The following STRAP variants were observed in gnomAD, a reference collection of about 807,000 sequenced individuals.
STRAP encodes serine/threonine kinase receptor associated protein, also known as serine-threonine kinase receptor-associated protein.
In STRAP, 16 loss-of-function variants were observed where a neutral mutation model predicts 47.0. That is an observed-to-expected ratio of 0.34 (90% CI 0.23 to 0.52). STRAP has a LOEUF of 0.52. Ranked by LOEUF, STRAP falls within the 20% of genes least tolerant of loss-of-function variation. The pLI is 0.96. For missense variants in STRAP, 293 were observed against 420.0 expected (o/e 0.70, Z 2.64); for synonymous variants, 130 against 142.7 (o/e 0.91, Z 0.63).
intron 7 of STRAP, among the ~76,000 whole-genome samples, chr12:15,899,026 CTTTTA>C (rs1948082748): frequency 6.6e-6 from 1 of 152,156 alleles, no homozygotes; most frequent in Non-Finnish European, 1.5e-5. Context: ...TTTTCTGTTA[CTTTTA>C]TTTAATGCTA....
At chr12:15,897,326 A>G (rs918662940) in intron 6 of STRAP, among the ~76,000 whole-genome samples, 5 of 152,172 alleles carry the variant, frequency 3.3e-5, no homozygotes, top group Admixed American at 1.3e-4. Context: ...TTTTTATTAT[A>G]TAACTATAGC....
At position 15,887,800 on chromosome 12, in the gene STRAP, T is replaced by C. The variant is rs1428582755; in HGVS notation, c.249-2128T>C. 4.0e-5 allele frequency among the ~76,000 whole-genome samples: 6 copies of C among 151,772 alleles called. No individual in the cohort carries two copies. The highest frequency in any genetic ancestry group is 3.9e-4 in the Admixed American group (6 of 15,238). On this transcript the variant is annotated intron_variant, in intron 2 of 9. Transcript: ENST00000419869. This position sits in a 1 kb window ranked among gnomAD's most constrained non-coding sequence, Gnocchi z 5.5. ...GATCTTGAGGCCAGGAGTTCAAGTATAGCTTGGGCAATATACCAAGATCCT... is the reference window on the plus strand; with the variant it reads ...GATCTTGAGGCCAGGAGTTCAAGTACAGCTTGGGCAATATACCAAGATCCT...
chr12:15,890,633 C>T lies in STRAP; in HGVS notation c.367C>T (p.Leu123=). ...TTTGTTAACCGGGGGACAGGATAAACTGTTACGCATATATGACTTGAACAA... is the reference window on the plus strand; with the variant it reads ...TTTGTTAACCGGGGGACAGGATAAATTGTTACGCATATATGACTTGAACAA... ...NYLLTGGQDK[L]LRIYDLNKPE... is the part of the protein sequence containing the mutation. The change falls in exon 4 of 10, where the codon CTG becomes TTG. Residue 123 remains leucine, a synonymous_variant. Coordinates refer to ENST00000419869, the MANE Select transcript of STRAP (RefSeq NM_007178.4). This position sits in a 1 kb window ranked among gnomAD's most constrained non-coding sequence, Gnocchi z 4.5. The T allele has an allele frequency of 1.2e-6, 2 of 1,611,818 alleles. No homozygotes were observed. The highest frequency in any genetic ancestry group is 1.1e-5 in the South Asian group (1 of 90,560).
Position 15,900,948 on chromosome 12 carries a change from A to G in STRAP, c.927A>G (p.Glu309=). Residue 309 remains glutamate (E), a splice_region_variant and synonymous_variant, in exon 9 of 10, where the codon GAA becomes GAG. Coordinates refer to ENST00000419869, the MANE Select transcript of STRAP (RefSeq NM_007178.4). ...TYGLWKCVLP[E]EDSGELAKPK... ...TCGTCATTGCTTTTCTTTTTACAGA[A>G]GAAGATAGTGGTGAGCTGGCAAAGC... The G allele has an allele frequency of 6.3e-7, 1 of 1,587,104 alleles. No homozygotes were observed. The highest frequency in any genetic ancestry group is 8.6e-7 in the Non-Finnish European group (1 of 1,168,012).
Position 15,894,269 on chromosome 12 carries a change from G to T in STRAP, c.500+126G>T. 1 of 647,682 alleles carries T rather than the reference G, an allele frequency of 1.5e-6. No individual in the cohort carries two copies. The allele number at this position is 647,682 out of a possible 1,614,324, so 40.1% of individuals were successfully genotyped here. ...AGGTCAGGAGTACTAGACCAGCCTGGCCGACATGGCGAAATACTGTCTCTA... is the reference window on the plus strand; with the variant it reads ...AGGTCAGGAGTACTAGACCAGCCTGTCCGACATGGCGAAATACTGTCTCTA... On this transcript the variant is annotated intron_variant, in intron 5 of 9. Transcript: ENST00000419869. The surrounding 1 kb of genome is among the most constrained non-coding windows in gnomAD (Gnocchi z 4.9).
Position 15,894,214 on chromosome 12 carries a change from C to A in STRAP, c.500+71C>A. 1 of 1,253,382 alleles carries A rather than the reference C, an allele frequency of 8.0e-7. No individual in the cohort carries two copies. Among genetic ancestry groups the A allele is most frequent in the Non-Finnish European group, 1.2e-6 (1 of 865,152 alleles). The allele number at this position is 1,253,382 out of a possible 1,614,324, so 77.6% of individuals were successfully genotyped here. A position where few individuals can be genotyped will look rare whatever the true frequency, so the allele number is the denominator to read the frequency against. ...GTGGCTCACGCCTATAATCTCAGCA[C>A]TTTGGGAGGCGAGCCGGGTGGATCA... On this transcript the variant is annotated intron_variant, in intron 5 of 9. Coordinates refer to ENST00000419869, the MANE Select transcript of STRAP (RefSeq NM_007178.4). This position sits in a 1 kb window ranked among gnomAD's most constrained non-coding sequence, Gnocchi z 4.9.
chr12:15,883,112 G>A (rs1350321276), intron 1 of STRAP: 2 of 1,535,608 alleles, frequency 1.3e-6, no homozygotes, highest in Middle Eastern at 1.7e-4. Flanking sequence ...TAGACTCTCG[G>A]GACAACACGG....
chr12:15,899,777 T>C, intron 7 of STRAP, 127 bp from the exon 8 acceptor site: 1 of 834,586 alleles, frequency 1.2e-6, no homozygotes, highest in Non-Finnish European at 1.9e-6. Flanking sequence ...ATTAATTAAG[T>C]ACAGGTTTTA....
intron 2 of STRAP, among the ~76,000 whole-genome samples, chr12:15,885,488 C>CTTTTGT (rs1947963066): frequency 7.5e-6 from 1 of 132,478 alleles, no homozygotes; most frequent in African/African-American, 2.9e-5. Flanking sequence ...CGTGCCTGGC[C>CTTTTGT]TTTTTTTTTT....
At chr12:15,901,860 C>CAAAA (rs71042273) in intron 9 of STRAP, among the ~76,000 whole-genome samples, 1 of 87,772 alleles carries the variant, frequency 1.1e-5, no homozygotes, top group African/African-American at 4.3e-5. Context: ...GACTCTGTCT[C>CAAAA]AAAAAAAAAA....
rs749702060 is a variant in STRAP at position 15,885,180 on chromosome 12, G to GTTTTTTT, written c.248+1523_248+1529dup. ...TAAGAGGCTAGAGAGTACAAGTGGT[G>GTTTTTTT]TTTTTTTTTTTTTTTTTTTTTTTTT... On this transcript the variant is annotated intron_variant, in intron 2 of 9. Coordinates refer to ENST00000419869, the MANE Select transcript of STRAP (RefSeq NM_007178.4). Among the ~76,000 whole-genome samples the GTTTTTTT allele has an allele frequency of 4.2e-4, 42 of 99,570 alleles. 2 individuals are homozygous for GTTTTTTT. Among genetic ancestry groups the GTTTTTTT allele is most frequent in the African/African-American group, 1.8e-3 (41 of 23,352 alleles). The allele number at this position is 99,570 out of a possible 152,430, so 65.3% of individuals were successfully genotyped here.
intron 2 of STRAP, among the ~76,000 whole-genome samples, chr12:15,888,341 A>G (rs576105474): frequency 6.6e-6 from 1 of 152,214 alleles, no homozygotes; most frequent in Non-Finnish European, 1.5e-5. Flanking sequence ...AAACAATACA[A>G]AATGAGGTTG....
chr12:15,902,627 TATA>T (rs1432136042), intron 9 of STRAP, among the ~76,000 whole-genome samples: 1 of 152,194 alleles, frequency 6.6e-6, no homozygotes, highest in Non-Finnish European at 1.5e-5. Flanking sequence ...CCGGGTTTGT[TATA>T]TAGCTGGAGT....
rs552576031 is a variant in STRAP at position 15,896,412 on chromosome 12, T to A, written c.638+916T>A. The stretch of plus-strand genomic sequence containing the variant: ...GTAGTAAATACTCTTGGAGAAAGAC[T>A]GGAATATATAACATAATTGAAAAAA... On this transcript the variant is annotated intron_variant, in intron 6 of 9. Coordinates refer to ENST00000419869, the MANE Select transcript of STRAP (RefSeq NM_007178.4). This position sits in a 1 kb window ranked among gnomAD's most constrained non-coding sequence, Gnocchi z 4.1. Among the ~76,000 whole-genome samples, 48 of 152,288 alleles carry A rather than the reference T, an allele frequency of 3.2e-4. No individual in the cohort carries two copies. The South Asian group carries it at 9.5e-3, about 30-fold the overall frequency.
In STRAP at chr12:15,882,512, T is replaced by C. The variant is rs1457488735; in HGVS notation, c.-196T>C. Reference sequence around the variant, plus strand: ...CCCTCCCTCGTCGACTGTTGCTTGCTGGTCGCAGACTCCCTGACCCCTCCC... The same window carrying C: ...CCCTCCCTCGTCGACTGTTGCTTGCCGGTCGCAGACTCCCTGACCCCTCCC... On this transcript the variant is annotated 5_prime_UTR_variant, in exon 1 of 10. Transcript: ENST00000419869. The C allele has an allele frequency of 3.7e-6, 2 of 540,418 alleles. No homozygotes were observed. Among genetic ancestry groups the C allele is most frequent in the Non-Finnish European group, 6.7e-6 (2 of 298,782 alleles). The allele number at this position is 540,418 out of a possible 1,614,324, so 33.5% of individuals were successfully genotyped here. A position where few individuals can be genotyped will look rare whatever the true frequency, so the allele number is the denominator to read the frequency against.
In STRAP at chr12:15,894,531, T is replaced by C. The variant is rs1229573052; in HGVS notation, c.500+388T>C. Among the ~76,000 whole-genome samples, 6 of 152,216 alleles carry C rather than the reference T, an allele frequency of 3.9e-5. No individual in the cohort carries two copies. Among genetic ancestry groups the C allele is most frequent in the Non-Finnish European group, 7.3e-5 (5 of 68,028 alleles). ...TATTTTAAATACATTTAATATTATG[T>C]GTGAAAAATGTTCTGAACATTAAAA... On this transcript the variant is annotated intron_variant, in intron 5 of 9. Transcript: ENST00000419869. The surrounding 1 kb of genome is among the most constrained non-coding windows in gnomAD (Gnocchi z 4.9).
intron 2 of STRAP, among the ~76,000 whole-genome samples, chr12:15,889,260 G>A (rs572329852): frequency 1.3e-5 from 2 of 152,072 alleles, no homozygotes; most frequent in African/African-American, 4.8e-5. Flanking sequence ...ATTTTGGGGT[G>A]GGGTGGGACA....
chr12:15,882,964 G>T, intron 1 of STRAP, 145 bp downstream of exon 1: 2 of 1,353,930 alleles, frequency 1.5e-6, no homozygotes, highest in Non-Finnish European at 2.0e-6. Flanking sequence ...ACACTGGTCC[G>T]GTGGAGAAAG....
intron 9 of STRAP, 121 bp downstream of exon 9, chr12:15,901,133 A>G (rs1021876566): frequency 1.5e-6 from 1 of 671,644 alleles, no homozygotes; most frequent in Non-Finnish European, 2.3e-6. Flanking sequence ...AATAATGGAA[A>G]CTTTAAATAT....
Sources: gnomAD v4.1 joint callset for allele counts (sites outside exome capture counted in the v4.1 genomes callset) on GRCh38, gnomAD v4.1.1 for gene constraint, Gnocchi (gnomAD v3.1) non-coding constraint, MANE v1.5 for transcripts, NCBI Gene and HGNC (gene_info 2026-07-23, HGNC 2026-07-21) for gene names.